POLR1B: variants seen among roughly 807,000 people sequenced by gnomAD.
The protein encoded by POLR1B is DNA-directed RNA polymerase I subunit RPA2.
POLR1B carries 30 observed loss-of-function variants against 105.8 expected under a neutral mutation model. The ratio of observed to expected loss-of-function variants is 0.28; its 90% CI spans 0.21 to 0.38. The LOEUF (loss-of-function observed/expected upper bound fraction) is 0.38. Among genes scored for constraint, POLR1B ranks in the 10% least tolerant of loss-of-function variants. The probability of loss-of-function intolerance (pLI) is 1.00; values close to 1 mark genes in which losing one functional copy is unlikely to be tolerated. For missense variants in POLR1B, 976 were observed against 1,435.8 expected, an observed-to-expected ratio of 0.68 and a Z score of 5.17; for synonymous variants, 485 against 505.1, an observed-to-expected ratio of 0.96 and a Z score of 0.53.
Position 112,555,495 on chromosome 2 carries a change from A to T in POLR1B, c.1159-2415A>T, listed in dbSNP as rs574071627. Among the ~76,000 whole-genome samples the T allele has an allele frequency of 4.1e-3, 625 of 152,194 alleles. 4 individuals are homozygous for T. Among genetic ancestry groups the T allele is most frequent in the Middle Eastern group, 0.01 (3 of 294 alleles). On this transcript the variant is annotated intron_variant, in intron 7 of 14. Coordinates refer to ENST00000263331, the MANE Select transcript of POLR1B (RefSeq NM_019014.6). ...AAACTTCGTCTCTACAAATAATTTT[A>T]AAAAAATTTAGCCAGGCCTGGTGGG...
intron 1 of POLR1B, among the ~76,000 whole-genome samples, chr2:112,546,545 T>C (rs1444187931): frequency 1.4e-4 from 1 of 6,936 alleles, no homozygotes; most frequent in Non-Finnish European, 3.7e-4. Flanking sequence ...TGGAGGTAGC[T>C]TTTTTTTTTT....
chr2:112,547,612 T>C (rs189579139), intron 3 of POLR1B, 45 bp downstream of exon 3: 30 of 1,583,692 alleles, frequency 1.9e-5, no homozygotes, highest in Admixed American at 1.7e-4. Context: ...AAGGCCTGGG[T>C]TGGGAGTAAG....
intron 10 of POLR1B, among the ~76,000 whole-genome samples, chr2:112,567,697 T>A (rs1684363050): frequency 6.6e-6 from 1 of 152,148 alleles, no homozygotes; most frequent in Non-Finnish European, 1.5e-5. Context: ...TTTTGGTTTA[T>A]TAAATTTACA....
intron 8 of POLR1B, among the ~76,000 whole-genome samples, chr2:112,558,718 A>C (rs1192252822): frequency 6.6e-6 from 1 of 151,940 alleles, no homozygotes; most frequent in Non-Finnish European, 1.5e-5. Context: ...TCCCAGGCTC[A>C]GGTGATCCTC....
rs1246831049 is a variant in POLR1B, at chr2:112,552,689, A to G, written c.1031A>G (p.Tyr344Cys). ...TTGAAATCCAATACTGAAAAGTTTT[A>G]TATGCTTTGTCTCATGACGCGAAAG... is the stretch of plus-strand genomic sequence containing the variant. ...IHLKSNTEKF[Y>C]MLCLMTRKLF... Residue 344 changes from tyrosine (Y) to cysteine (C), a missense_variant, in exon 7 of 15, where the codon TAT becomes TGT. By Grantham distance (194) the Tyr-to-Cys change is radical. Around this residue, in one of 12 missense-constraint regions of POLR1B, gnomAD observed 452 missense variants for 616.5 expected, o/e 0.73. Transcript: ENST00000263331. 28 of 1,609,644 alleles carry G rather than the reference A, an allele frequency of 1.7e-5. No homozygotes were observed. In the East Asian group the frequency reaches 6.3e-4, roughly 36 times the overall value.
chr2:112,550,355 G>T (rs1343773258), intron 4 of POLR1B, among the ~76,000 whole-genome samples: 2 of 152,188 alleles, frequency 1.3e-5, no homozygotes, highest in African/African-American at 4.8e-5. Flanking sequence ...TAAACAATTT[G>T]TCCTGATAGT....
intron 12 of POLR1B, 134 bp downstream of exon 12, chr2:112,569,036 T>G: frequency 1.0e-6 from 1 of 964,348 alleles, no homozygotes; most frequent in South Asian, 1.9e-5. Context: ...TTTTCTTTTT[T>G]CTGTGCCACA....
At position 112,575,355 on chromosome 2, in the gene POLR1B, G is replaced by T; in HGVS notation, c.3034G>T (p.Val1012Leu). The change falls in exon 15 of 15, where the codon GTA (valine) becomes TTA (leucine). Residue 1012 changes from valine to leucine, a missense_variant. Val to Leu is a conservative substitution (Grantham distance 32). Transcript: ENST00000263331. This position sits in a 1 kb window ranked among gnomAD's most constrained non-coding sequence, Gnocchi z 5.3. ...CCATATGGTCTCAGACAAATTTCAA[G>T]TAAGGACAACTGGAGCCCGAGACAG... The part of the protein sequence containing the change: ...LRHMVSDKFQ[V>L]RTTGARDRVT... 6.2e-7 allele frequency: 1 copy of T among 1,614,154 alleles called. No individual in the cohort carries two copies. Among genetic ancestry groups the T allele is most frequent in the Non-Finnish European group, 8.5e-7 (1 of 1,180,034 alleles).
intron 2 of POLR1B, 38 bp downstream of exon 2, chr2:112,547,217 A>G: frequency 6.2e-7 from 1 of 1,607,408 alleles, no homozygotes; most frequent in South Asian, 1.1e-5. Flanking sequence ...TCAACACTGC[A>G]CATATTTGGG....
At chr2:112,563,423 C>T (rs1398056799) in intron 9 of POLR1B, among the ~76,000 whole-genome samples, 1 of 152,192 alleles carries the variant, frequency 6.6e-6, no homozygotes, top group Non-Finnish European at 1.5e-5. Flanking sequence ...AAAGATTTCT[C>T]TGTAGCATGT....
chr2:112,575,833 C>G lies in POLR1B; in HGVS notation c.*104C>G. 7.6e-7 allele frequency: 1 copy of G among 1,319,280 alleles called. No homozygotes were observed. Among genetic ancestry groups the G allele is most frequent in the South Asian group, 1.4e-5 (1 of 70,462 alleles). 81.7% of individuals were successfully genotyped at this position (1,319,280 alleles called of 1,614,324 possible). ...CCAGGTTACTCTTGAGATTTTTCAA[C>G]GGTGTTAGAACTCTCAACCAAGACC... On this transcript the variant is annotated 3_prime_UTR_variant, in exon 15 of 15. Coordinates refer to ENST00000263331, the MANE Select transcript of POLR1B (RefSeq NM_019014.6). The surrounding 1 kb of genome is among the most constrained non-coding windows in gnomAD (Gnocchi z 5.3).
At chr2:112,561,476 T>C (rs75035615) in intron 9 of POLR1B, among the ~76,000 whole-genome samples, 2 of 146,076 alleles carry the variant, frequency 1.4e-5, no homozygotes, top group South Asian at 2.2e-4. Context: ...TTTTTTTTTT[T>C]ACTTAATTTC....
At chr2:112,550,495 G>T (rs557966536) in intron 4 of POLR1B, among the ~76,000 whole-genome samples, 1 of 152,292 alleles carries the variant, frequency 6.6e-6, no homozygotes, top group East Asian at 1.9e-4. Context: ...GCCTGAAACT[G>T]AAATAAAATC....
rs546818945 is a variant in POLR1B at position 112,568,630 on chromosome 2, A to T, written c.1918-116A>T. The T allele has an allele frequency of 5.1e-5, 60 of 1,185,164 alleles. No individual in the cohort carries two copies. The Admixed American group carries it at 1.2e-3, about 24-fold the overall frequency. The allele number at this position is 1,185,164 out of a possible 1,614,324, so 73.4% of individuals were successfully genotyped here. A position where few individuals can be genotyped will look rare whatever the true frequency, so the allele number is the denominator to read the frequency against. On this transcript the variant is annotated intron_variant, in intron 11 of 14. Coordinates refer to ENST00000263331, the MANE Select transcript of POLR1B (RefSeq NM_019014.6). ...CCAGTTGATCCCTTCAGCACTCATG[A>T]TGCTGGGTGGGGATGGTTTTCTCTT...
chr2:112,559,664 T>C, intron 9 of POLR1B, 90 bp downstream of exon 9: 1 of 1,469,978 alleles, frequency 6.8e-7, no homozygotes, highest in South Asian at 1.3e-5. Context: ...GGAGTGTTGC[T>C]ATGTCGCCCA....
At chr2:112,567,546 A>G (rs1574128349) in intron 10 of POLR1B, among the ~76,000 whole-genome samples, 1 of 151,366 alleles carries the variant, frequency 6.6e-6, no homozygotes, top group Admixed American at 6.6e-5. Flanking sequence ...CACTCAGGTA[A>G]TTTTTTAATT....
Position 112,568,146 on chromosome 2 carries a change from A to G in POLR1B, c.1917+9A>G, listed in dbSNP as rs375488852. The G allele has an allele frequency of 1.9e-6, 3 of 1,607,926 alleles. No homozygotes were observed. Among genetic ancestry groups the G allele is most frequent in the African/African-American group, 1.3e-5 (1 of 74,788 alleles). On this transcript the variant is annotated intron_variant, in intron 11 of 14. Coordinates refer to ENST00000263331, the MANE Select transcript of POLR1B (RefSeq NM_019014.6). Reference sequence around the variant, plus strand: ...TTGGAACTATGGAACAGGTAAATACATATGTGTGATGGATGAGTGTATGTG... The same window carrying G: ...TTGGAACTATGGAACAGGTAAATACGTATGTGTGATGGATGAGTGTATGTG...
Position 112,549,364 on chromosome 2 carries a change from A to G in POLR1B, c.590A>G (p.Lys197Arg). Residue 197 changes from lysine (K) to arginine (R), a missense_variant, in exon 4 of 15, where the codon AAA (lysine) becomes AGA (arginine). Lys to Arg is a conservative substitution (Grantham distance 26). Transcript: ENST00000263331. ...RNFPIAMIRP[K>R]WKTRGPGYTQ... ...TTTCCCATTGCAATGATAAGACCAAAATGGAAAACCAGAGGGCCTGGTTAT... is the reference window on the plus strand; with the variant it reads ...TTTCCCATTGCAATGATAAGACCAAGATGGAAAACCAGAGGGCCTGGTTAT... The G allele has an allele frequency of 6.2e-7, 1 of 1,613,888 alleles. No individual in the cohort carries two copies.
Position 112,547,109 on chromosome 2 carries a change from T to C in POLR1B, c.275T>C (p.Ile92Thr). ...CCACCTACAGTTCCAAAAGGGACCATCTGCAAAGAGGCCAATGTTTATCCA... is the reference window on the plus strand; with the variant it reads ...CCACCTACAGTTCCAAAAGGGACCACCTGCAAAGAGGCCAATGTTTATCCA... ...ISPPTVPKGT[I>T]CKEANVYPAE... The change falls in exon 2 of 15, where the codon ATC becomes ACC. Residue 92 changes from isoleucine (I) to threonine (T), a missense_variant. Ile to Thr is a moderately conservative substitution (Grantham distance 89, BLOSUM62 -1). Transcript: ENST00000263331. The C allele has an allele frequency of 6.2e-7, 1 of 1,614,224 alleles. No individual in the cohort carries two copies. Among genetic ancestry groups the C allele is most frequent in the Non-Finnish European group, 8.5e-7 (1 of 1,180,032 alleles).
Sources: allele counts gnomAD v4.1 joint callset (sites outside exome capture counted in the v4.1 genomes callset), GRCh38; gene constraint gnomAD v4.1.1; regional missense constraint gnomAD v4.1.1; non-coding constraint Gnocchi (gnomAD v3.1); transcripts MANE v1.5; gene names NCBI Gene and HGNC (gene_info 2026-07-23, HGNC 2026-07-21).